Variants in STX8 observed in about 807,000 individuals in gnomAD.
STX8 encodes syntaxin-8.
Under a neutral mutation model 37.5 loss-of-function variants are expected in STX8, and 23 were observed. The observed-to-expected ratio is 0.61, with a 90% CI of 0.44 to 0.87. The LOEUF is 0.87. Among genes scored for constraint, STX8 ranks in the 40% least tolerant of loss-of-function variants. The pLI, the probability that STX8 is intolerant of heterozygous loss-of-function variation, is 0.00. For synonymous variants in STX8, 115 were observed against 99.1 expected (o/e 1.16, Z -0.95); for missense variants, 313 against 284.7 (o/e 1.10, Z -0.71).
At chr17:9,368,710 C>A (rs566150544) in intron 7 of STX8, among the ~76,000 whole-genome samples, 20 of 152,166 alleles carry the variant, frequency 1.3e-4, no homozygotes, top group African/African-American at 4.8e-4. Flanking sequence ...AGTATATATA[C>A]TCCCTGCTTA....
At position 9,575,747 on chromosome 17, in the gene STX8, C is replaced by T. The variant is rs9891626; in HGVS notation, c.17+45G>A. On this transcript the variant is annotated intron_variant, in intron 1 of 7. Coordinates refer to ENST00000306357, the MANE Select transcript of STX8 (RefSeq NM_004853.3). Reference sequence around the variant, plus strand: ...TGCCTGCTCTCCGGAAGCCCGGCCTCCCCGAAGGTCCCTCCACGCACCGCC... The same window carrying T: ...TGCCTGCTCTCCGGAAGCCCGGCCTTCCCGAAGGTCCCTCCACGCACCGCC... 6,361 of 1,545,586 alleles carry T rather than the reference C, an allele frequency of 4.1e-3. 246 individuals carry two copies. The African/African-American group carries it at 0.077, about 19-fold the overall frequency.
In STX8 at chr17:9,360,912, C is replaced by G. The variant is rs527629655; in HGVS notation, c.643+17640G>C. Reference sequence around the variant, plus strand: ...GCAGAAAGTAACCCAGTGAGACCCGCGGTGCCGGCTACAGGTCCCTGACAG... The same window carrying G: ...GCAGAAAGTAACCCAGTGAGACCCGGGGTGCCGGCTACAGGTCCCTGACAG... On this transcript the variant is annotated intron_variant, in intron 7 of 7. Coordinates refer to ENST00000306357, the MANE Select transcript of STX8 (RefSeq NM_004853.3). Among the ~76,000 whole-genome samples, 79 of 152,114 alleles carry G rather than the reference C, an allele frequency of 5.2e-4. 1 individual carries two copies. The highest frequency in any genetic ancestry group is 1.0e-3 in the Non-Finnish European group (69 of 68,032).
chr17:9,373,532 A>G (rs551679521), intron 7 of STX8, among the ~76,000 whole-genome samples: 9 of 152,366 alleles, frequency 5.9e-5, no homozygotes, highest in Admixed American at 4.6e-4. Context: ...CCCGCTTACA[A>G]TAGGTACCTA....
chr17:9,295,332 T>C (rs1359832269), intron 7 of STX8, among the ~76,000 whole-genome samples: 3 of 152,220 alleles, frequency 2.0e-5, no homozygotes, highest in Non-Finnish European at 2.9e-5. Flanking sequence ...TCCGAGCCCC[T>C]TGAAAGAAGA....
chr17:9,366,575 G>A lies in STX8; in HGVS notation c.643+11977C>T, dbSNP rs1042730775. Among the ~76,000 whole-genome samples, 9 of 152,102 alleles carry A rather than the reference G, an allele frequency of 5.9e-5. No individual in the cohort carries two copies. In the East Asian group the frequency reaches 1.2e-3, roughly 20 times the overall value. ...CTTTCTCGAATGAGCTCGGGCCCAC[G>A]CTTCACCACTATGCTATATACGTAT... On this transcript the variant is annotated intron_variant, in intron 7 of 7. Coordinates refer to ENST00000306357, the MANE Select transcript of STX8 (RefSeq NM_004853.3).
chr17:9,280,822 T>A (rs919210743), intron 7 of STX8, among the ~76,000 whole-genome samples: 9 of 152,176 alleles, frequency 5.9e-5, no homozygotes, highest in South Asian at 2.1e-4. Context: ...CTAGGACTAT[T>A]CTCAATCTGC....
chr17:9,471,151 C>CTTTT (rs34907512), intron 6 of STX8, among the ~76,000 whole-genome samples: 1 of 51,268 alleles, frequency 2.0e-5, no homozygotes. Flanking sequence ...CCGCACCCTG[C>CTTTT]TTTTTTTTTT....
At chr17:9,462,170 T>C (rs1905415882) in intron 6 of STX8, among the ~76,000 whole-genome samples, 1 of 152,060 alleles carries the variant, frequency 6.6e-6, no homozygotes, top group South Asian at 2.1e-4. Context: ...GGAACAAACA[T>C]GACAGTGGCT....
chr17:9,422,025 G>A (rs1913450558), intron 6 of STX8, among the ~76,000 whole-genome samples: 1 of 151,858 alleles, frequency 6.6e-6, no homozygotes, highest in Admixed American at 6.6e-5. Flanking sequence ...GCCTCGCCGA[G>A]CCATGCTTCC....
At chr17:9,408,207 A>C (rs1912861900) in intron 6 of STX8, among the ~76,000 whole-genome samples, 1 of 152,180 alleles carries the variant, frequency 6.6e-6, no homozygotes, top group African/African-American at 2.4e-5. Context: ...ATCAGAGTTT[A>C]GTTCTCAAAT....
At chr17:9,337,915 G>A (rs901809294) in intron 7 of STX8, among the ~76,000 whole-genome samples, 6 of 152,142 alleles carry the variant, frequency 3.9e-5, no homozygotes, top group Admixed American at 2.0e-4. Context: ...TGTGTATTGA[G>A]AAAGGGTGCA....
chr17:9,265,082 G>A (rs1242821528), intron 7 of STX8, among the ~76,000 whole-genome samples: 3 of 146,208 alleles, frequency 2.1e-5, no homozygotes, highest in Non-Finnish European at 4.4e-5. Flanking sequence ...TTGTGCCACT[G>A]CACTCCAGCC....
chr17:9,529,272 A>T (rs11869007), intron 4 of STX8, among the ~76,000 whole-genome samples: 5,612 of 138,714 alleles, frequency 0.04, 381 homozygotes, highest in African/African-American at 0.14. Flanking sequence ...AGAGAGAGAG[A>T]GTGTGTGGGT....
chr17:9,322,204 C>T (rs1448721851), intron 7 of STX8, among the ~76,000 whole-genome samples: 1 of 152,214 alleles, frequency 6.6e-6, no homozygotes, highest in Non-Finnish European at 1.5e-5. Context: ...GTATAAATGG[C>T]GGGTTAGCGG....
At chr17:9,340,450 C>G (rs1167842635) in intron 7 of STX8, among the ~76,000 whole-genome samples, 2 of 152,154 alleles carry the variant, frequency 1.3e-5, no homozygotes, top group Non-Finnish European at 1.5e-5. Context: ...ATTTATAGTA[C>G]TTAAATTTAT....
rs1236094345 is a variant in STX8 at position 9,285,055 on chromosome 17, T to C, written c.644-34410A>G. The stretch of plus-strand genomic sequence containing the variant: ...TCCCAGGCCCCACCCCCCTGGAGAT[T>C]CTGATTCAGCGGTTCCGGGAGAGGG... On this transcript the variant is annotated intron_variant, in intron 7 of 7. Transcript: ENST00000306357. Among the ~76,000 whole-genome samples the C allele has an allele frequency of 3.9e-5, 6 of 152,264 alleles. 1 individual carries two copies. The highest frequency in any genetic ancestry group is 3.9e-4 in the Admixed American group (6 of 15,290).
At chr17:9,297,917 AC>A (rs1235174100) in intron 7 of STX8, among the ~76,000 whole-genome samples, 1 of 152,198 alleles carries the variant, frequency 6.6e-6, no homozygotes, top group Non-Finnish European at 1.5e-5. Context: ...TTGGGACCCC[AC>A]TGTATCTTAA....
At chr17:9,450,674 A>G (rs187751449) in intron 6 of STX8, among the ~76,000 whole-genome samples, 1 of 152,304 alleles carries the variant, frequency 6.6e-6, no homozygotes, top group African/African-American at 2.4e-5. Context: ...TTTTATAAAA[A>G]TCTAATTAAT....
chr17:9,486,421 G>C (rs1176138915), intron 6 of STX8, among the ~76,000 whole-genome samples: 1 of 152,184 alleles, frequency 6.6e-6, no homozygotes, highest in Non-Finnish European at 1.5e-5. Context: ...ATTTGTTCTT[G>C]GTGTGATGTC....
Sources: allele counts gnomAD v4.1 joint callset (sites outside exome capture counted in the v4.1 genomes callset), GRCh38; gene constraint gnomAD v4.1.1; transcripts MANE v1.5; gene names NCBI Gene and HGNC (gene_info 2026-07-23, HGNC 2026-07-21).